FAIM2: variants seen among roughly 807,000 people sequenced by gnomAD.
FAIM2 encodes the protein Fas apoptotic inhibitory molecule 2.
FAIM2 carries 27 observed loss-of-function variants against 47.4 expected under a neutral mutation model. The observed-to-expected ratio is 0.57, with a 90% CI of 0.42 to 0.78. The LOEUF is 0.78. Among genes scored for constraint, FAIM2 ranks in the 30% least tolerant of loss-of-function variants. The probability of loss-of-function intolerance (pLI) is 0.00; values close to 1 mark genes in which losing one functional copy is unlikely to be tolerated. For missense variants in FAIM2, 311 were observed against 389.4 expected, an observed-to-expected ratio of 0.80 and a Z score of 1.69; for synonymous variants, 156 against 159.3, an observed-to-expected ratio of 0.98 and a Z score of 0.16.
intron 5 of FAIM2, among the ~76,000 whole-genome samples, chr12:49,891,944 C>T (rs1946903036): frequency 6.6e-5 from 10 of 152,126 alleles, no homozygotes; most frequent in Admixed American, 5.9e-4. Flanking sequence ...GTGGAGCTCG[C>T]CCATGCCTAC....
rs890412691 is a variant in FAIM2 at position 49,870,102 on chromosome 12, C to T, written c.*402G>A. On this transcript the variant is annotated 3_prime_UTR_variant, in exon 12 of 12. Transcript: ENST00000320634. Reference sequence around the variant, plus strand: ...ACAGACTGGATGCAGGACAGTGTGCCCTAAGGCCACATGATTGTGCAGCCC... The same window carrying T: ...ACAGACTGGATGCAGGACAGTGTGCTCTAAGGCCACATGATTGTGCAGCCC... 35 of 179,194 alleles carry T rather than the reference C, an allele frequency of 2.0e-4. No individual in the cohort carries two copies. The highest frequency in any genetic ancestry group is 1.7e-3 in the Admixed American group (30 of 17,506). The allele number at this position is 179,194 out of a possible 1,614,324, so 11.1% of individuals were successfully genotyped here. A position where few individuals can be genotyped will look rare whatever the true frequency, so the allele number is the denominator to read the frequency against.
At chr12:49,892,290 C>T (rs142374810) in intron 5 of FAIM2, among the ~76,000 whole-genome samples, 1 of 152,092 alleles carries the variant, frequency 6.6e-6, no homozygotes, top group Non-Finnish European at 1.5e-5. Context: ...TTACTTAAAC[C>T]TTTCCACTGG....
At chr12:49,882,255 CA>C (rs1267063656) in intron 11 of FAIM2, among the ~76,000 whole-genome samples, 1 of 152,108 alleles carries the variant, frequency 6.6e-6, no homozygotes, top group Middle Eastern at 3.2e-3. Flanking sequence ...GACGAGAGAC[CA>C]GGGGGTGCTG....
chr12:49,880,146 G>C (rs1946799643), intron 11 of FAIM2, among the ~76,000 whole-genome samples: 2 of 146,558 alleles, frequency 1.4e-5, no homozygotes, highest in South Asian at 2.1e-4. Context: ...GTATATGTGA[G>C]TGTATGTGTG....
intron 2 of FAIM2, among the ~76,000 whole-genome samples, chr12:49,900,586 G>A (rs949576573): frequency 2.0e-5 from 3 of 152,082 alleles, no homozygotes; most frequent in Admixed American, 6.5e-5. Context: ...GCCCCAGCAC[G>A]GGCTCGGGGA....
rs1946881776 is a variant in FAIM2, at chr12:49,889,142, C to T, written c.712G>A (p.Gly238Arg). The T allele has an allele frequency of 1.2e-6, 2 of 1,612,028 alleles. No homozygotes were observed. Among genetic ancestry groups the T allele is most frequent in the Non-Finnish European group, 1.7e-6 (2 of 1,179,178 alleles). Reference protein sequence around the residue: ...FVLLMTLFFSGLILAILLPFQ... With the variant: ...FVLLMTLFFSRLILAILLPFQ... Reference sequence around the variant, plus strand: ...GGTAGGAGGATGGCCAGGATGAGTCCGCTGAAGAAAAGAGTCATGAGAAGC... The same window carrying T: ...GGTAGGAGGATGGCCAGGATGAGTCTGCTGAAGAAAAGAGTCATGAGAAGC... The change falls in exon 10 of 12, where the codon GGA becomes AGA. Residue 238 changes from glycine to arginine, a missense_variant. Coordinates refer to ENST00000320634, the MANE Select transcript of FAIM2 (RefSeq NM_012306.4).
At position 49,890,813 on chromosome 12, in the gene FAIM2, C is replaced by T. The variant is rs537487890; in HGVS notation, c.486-91G>A. 29 of 1,064,474 alleles carry T rather than the reference C, an allele frequency of 2.7e-5. No individual in the cohort carries two copies. In the East Asian group the frequency reaches 6.4e-4, roughly 23 times the overall value. 65.9% of individuals were successfully genotyped at this position (1,064,474 alleles called of 1,614,324 possible). ...ACTGTTGCAGGGAGGGGGTCTCTGA[C>T]CAACCCCCTCCACACTCCTCAGAGC... On this transcript the variant is annotated intron_variant, in intron 6 of 11. Coordinates refer to ENST00000320634, the MANE Select transcript of FAIM2 (RefSeq NM_012306.4).
intron 2 of FAIM2, among the ~76,000 whole-genome samples, chr12:49,900,451 A>G (rs1946974459): frequency 6.6e-6 from 1 of 152,112 alleles, no homozygotes; most frequent in South Asian, 2.1e-4. Context: ...TTGACCCAAC[A>G]GAGCAGCTCC....
chr12:49,894,482 AG>A (rs956396715), intron 5 of FAIM2, among the ~76,000 whole-genome samples: 9 of 151,452 alleles, frequency 5.9e-5, no homozygotes, highest in East Asian at 2.0e-4. Context: ...TGGGTGGGGG[AG>A]GGGGAGGCTG....
At chr12:49,891,252 C>T (rs1946898207) in intron 5 of FAIM2, 138 bp from the exon 6 acceptor site, 1 of 744,500 alleles carries the variant, frequency 1.3e-6, no homozygotes, top group Non-Finnish European at 2.3e-6. Flanking sequence ...CACGGTCATC[C>T]TAGAACCTGG....
intron 11 of FAIM2, among the ~76,000 whole-genome samples, chr12:49,873,121 G>A (rs1394674369): frequency 6.6e-6 from 1 of 152,052 alleles, no homozygotes; most frequent in South Asian, 2.1e-4. Context: ...AGCCCTGCAC[G>A]GGGTGCGTCA....
chr12:49,889,089 G>T lies in FAIM2; in HGVS notation c.747+18C>A. ...CCCTCCCTCCCCATGGGGCCTGCTG[G>T]GGGACCCAGAGACTCACATATTGGA... is the stretch of plus-strand genomic sequence containing the variant. On this transcript the variant is annotated intron_variant, in intron 10 of 11. Coordinates refer to ENST00000320634, the MANE Select transcript of FAIM2 (RefSeq NM_012306.4). 5.0e-6 allele frequency: 8 copies of T among 1,587,018 alleles called. No homozygotes were observed. Among genetic ancestry groups the T allele is most frequent in the Non-Finnish European group, 6.9e-6 (8 of 1,161,666 alleles).
chr12:49,890,918 G>C, intron 6 of FAIM2, 146 bp downstream of exon 6: 1 of 887,566 alleles, frequency 1.1e-6, no homozygotes, highest in Non-Finnish European at 1.9e-6. Flanking sequence ...GTAAAGGAGG[G>C]AGGGGCTGCC....
intron 5 of FAIM2, 104 bp downstream of exon 5, chr12:49,896,927 G>C (rs1308571331): frequency 3.3e-6 from 3 of 920,260 alleles, no homozygotes; most frequent in Admixed American, 3.4e-5. Context: ...CTGTGGGGCT[G>C]GGGGAAGCTA....
rs1272675708 is a variant in FAIM2, at chr12:49,887,310, G to A, written c.801+76C>T. ...ATCCAGGGAAGAGGGCTGTGAGGAA[G>A]ATGGGAGGAGAAGGGGACTGGGGTG... On this transcript the variant is annotated intron_variant, in intron 11 of 11. Coordinates refer to ENST00000320634, the MANE Select transcript of FAIM2 (RefSeq NM_012306.4). 4 of 1,336,282 alleles carry A rather than the reference G, an allele frequency of 3.0e-6. No homozygotes were observed. The Admixed American group carries it at 7.6e-5, about 25-fold the overall frequency. 82.8% of individuals were successfully genotyped at this position (1,336,282 alleles called of 1,614,324 possible). A position where few individuals can be genotyped will look rare whatever the true frequency, so the allele number is the denominator to read the frequency against.
At chr12:49,888,934 T>C (rs992226819) in intron 10 of FAIM2, among the ~76,000 whole-genome samples, 173 bp downstream of exon 10, 7 of 152,184 alleles carry the variant, frequency 4.6e-5, no homozygotes, top group Admixed American at 2.6e-4. Flanking sequence ...AGCCTCCTTG[T>C]TTGCTTACAC....
Position 49,869,355 on chromosome 12 carries a change from T to C in FAIM2, c.*1149A>G, listed in dbSNP as rs1278646962. On this transcript the variant is annotated 3_prime_UTR_variant, in exon 12 of 12. Coordinates refer to ENST00000320634, the MANE Select transcript of FAIM2 (RefSeq NM_012306.4). ...ATGCAGAGATAAGTGGGGGAGCACT[T>C]AGGGACTCTGGGCTGAGTGAGTGGC... The C allele has an allele frequency of 6.5e-6, 1 of 152,962 alleles. No homozygotes were observed. The highest frequency in any genetic ancestry group is 2.4e-5 in the African/African-American group (1 of 41,442). 9.5% of individuals were successfully genotyped at this position (152,962 alleles called of 1,614,324 possible). A position where few individuals can be genotyped will look rare whatever the true frequency, so the allele number is the denominator to read the frequency against.
chr12:49,889,585 C>A lies in FAIM2; in HGVS notation c.564-17G>T, dbSNP rs748479032. 6.2e-7 allele frequency: 1 copy of A among 1,610,858 alleles called. No homozygotes were observed. The highest frequency in any genetic ancestry group is 1.3e-5 in the African/African-American group (1 of 74,794). On this transcript the variant is annotated splice_polypyrimidine_tract_variant and intron_variant, in intron 8 of 11. Coordinates refer to ENST00000320634, the MANE Select transcript of FAIM2 (RefSeq NM_012306.4). ...TTGTAGTAGCTGAGGACCGTCAGGC[C>A]GAGGGGTCAGCTCTCAGGCAGGGCA...
At position 49,879,215 on chromosome 12, in the gene FAIM2, T is replaced by C. The variant is rs901961093; in HGVS notation, c.801+8171A>G. On this transcript the variant is annotated intron_variant, in intron 11 of 11. Coordinates refer to ENST00000320634, the MANE Select transcript of FAIM2 (RefSeq NM_012306.4). ...ATGTGTATGTATGTGTATGAGTGTG[T>C]ATGTGCATGTGTGTATGTATGCATG... 2.3e-4 allele frequency among the ~76,000 whole-genome samples: 17 copies of C among 73,170 alleles called. 1 individual carries two copies. The highest frequency in any genetic ancestry group is 1.5e-3 in the East Asian group (3 of 2,038). The allele number at this position is 73,170 out of a possible 152,430, so 48.0% of individuals were successfully genotyped here.
Sources: gnomAD v4.1 joint callset for allele counts (sites outside exome capture counted in the v4.1 genomes callset) on GRCh38, gnomAD v4.1.1 for gene constraint, MANE v1.5 for transcripts, NCBI Gene and HGNC (gene_info 2026-07-23, HGNC 2026-07-21) for gene names.